AKT3: variants seen among roughly 807,000 people sequenced by gnomAD.
AKT3 encodes the protein AKT serine/threonine kinase 3.
Under a neutral mutation model 65.3 loss-of-function variants are expected in AKT3, and 15 were observed. That is an observed-to-expected ratio of 0.23 (90% CI 0.15 to 0.35). The LOEUF is 0.35. Ranked by LOEUF, AKT3 falls within the 10% of genes least tolerant of loss-of-function variation. AKT3 has a pLI of 1.00. For synonymous variants in AKT3, 206 were observed against 183.8 expected (o/e 1.12, Z -0.98); for missense variants, 243 against 576.5 (o/e 0.42, Z 5.92).
chr1:243,832,238 A>G (rs931890695), intron 2 of AKT3, among the ~76,000 whole-genome samples: 8 of 150,336 alleles, frequency 5.3e-5, no homozygotes, highest in African/African-American at 1.5e-4. Flanking sequence ...ATCTTTCTAG[A>G]TAAGTGATTC....
chr1:243,648,274 A>ATT (rs1681001275), intron 4 of AKT3, among the ~76,000 whole-genome samples: 1 of 151,910 alleles, frequency 6.6e-6, no homozygotes, highest in Non-Finnish European at 1.5e-5. Context: ...AAAAAAAGAA[A>ATT]AGAAAAGAAA....
chr1:243,782,988 G>A (rs1358082216), intron 2 of AKT3, among the ~76,000 whole-genome samples: 1 of 152,078 alleles, frequency 6.6e-6, no homozygotes, highest in Non-Finnish European at 1.5e-5. Context: ...CCAAGCTCCT[G>A]GGTCCCTAGC....
chr1:243,664,888 GAATAA>G lies in AKT3; in HGVS notation c.173-10_173-6del, dbSNP rs1484974607. ...CTGTTTTCATTAACTGGCATTCTAA[GAATAA>G]AATAAAATGTTTCTTTAAATATGGA... On this transcript the variant is annotated splice_region_variant and splice_polypyrimidine_tract_variant and intron_variant, in intron 3 of 13. Transcript: ENST00000673466. 6.8e-7 allele frequency: 1 copy of G among 1,472,504 alleles called. No individual in the cohort carries two copies. Among genetic ancestry groups the G allele is most frequent in the Non-Finnish European group, 9.2e-7 (1 of 1,086,554 alleles). The allele number at this position is 1,472,504 out of a possible 1,614,324, so 91.2% of individuals were successfully genotyped here.
At position 243,796,669 on chromosome 1, in the gene AKT3, A is replaced by C. The variant is rs1418638112; in HGVS notation, c.46+46456T>G. 3.3e-5 allele frequency among the ~76,000 whole-genome samples: 5 copies of C among 152,258 alleles called. No homozygotes were observed. In the South Asian group the frequency reaches 1.0e-3, roughly 32 times the overall value. On this transcript the variant is annotated intron_variant, in intron 2 of 13. Transcript: ENST00000673466. ...TTTATTGCTATCTCAGGGCCTTTGC[A>C]CATGTTCTTTCCTCTGCTTGTAACG...
chr1:243,758,825 C>T (rs1689307868), intron 2 of AKT3, among the ~76,000 whole-genome samples: 1 of 152,152 alleles, frequency 6.6e-6, no homozygotes, highest in African/African-American at 2.4e-5. Context: ...TCACCTCTTG[C>T]TGTGTGTCCC....
At chr1:243,492,604 GTTTTT>G (rs74162289) in intron 13 of AKT3, among the ~76,000 whole-genome samples, 1 of 58,866 alleles carries the variant, frequency 1.7e-5, no homozygotes, top group Non-Finnish European at 3.0e-5. Context: ...GCGCCCAGCT[GTTTTT>G]TTTTTTTTTT....
chr1:243,811,657 A>G (rs1211148436), intron 2 of AKT3, among the ~76,000 whole-genome samples: 1 of 152,230 alleles, frequency 6.6e-6, no homozygotes, highest in African/African-American at 2.4e-5. Flanking sequence ...TCTTTACAGA[A>G]TTGGAAAAAA....
chr1:243,599,275 C>A (rs1435619149), intron 8 of AKT3, among the ~76,000 whole-genome samples: 1 of 151,720 alleles, frequency 6.6e-6, no homozygotes, highest in Non-Finnish European at 1.5e-5. Context: ...AAAATGTATA[C>A]CAACACAAAG....
intron 3 of AKT3, 94 bp downstream of exon 3, chr1:243,695,497 T>C (rs926717553): frequency 1.6e-6 from 2 of 1,221,596 alleles, no homozygotes; most frequent in Non-Finnish European, 1.1e-6. Flanking sequence ...ACCCAAACTT[T>C]TTCACAGGTT....
chr1:243,843,360 G>T (rs749082422), intron 1 of AKT3, 78 bp from the exon 2 acceptor site: 20 of 1,289,820 alleles, frequency 1.6e-5, no homozygotes, highest in Middle Eastern at 2.6e-4. Flanking sequence ...CTAATTCTTT[G>T]TAAATGTCTT....
chr1:243,679,680 GAA>G (rs1218323218), intron 3 of AKT3, among the ~76,000 whole-genome samples: 37 of 152,294 alleles, frequency 2.4e-4, no homozygotes, highest in African/African-American at 8.4e-4. Flanking sequence ...AACCTAACAT[GAA>G]TTAACATGTA....
chr1:243,653,369 CA>C (rs1681521686), intron 4 of AKT3, among the ~76,000 whole-genome samples: 1 of 152,122 alleles, frequency 6.6e-6, no homozygotes, highest in Non-Finnish European at 1.5e-5. Context: ...CTACCAACCA[CA>C]AAAAGTCCAG....
chr1:243,645,761 T>C (rs773536779), intron 5 of AKT3, 132 bp downstream of exon 5: 1 of 856,426 alleles, frequency 1.2e-6, no homozygotes, highest in Non-Finnish European at 1.7e-6. Context: ...TTCAGATTCA[T>C]GTGAATAAGA....
chr1:243,794,676 A>C (rs1691842571), intron 2 of AKT3, among the ~76,000 whole-genome samples: 1 of 152,242 alleles, frequency 6.6e-6, no homozygotes, highest in Non-Finnish European at 1.5e-5. Context: ...AGAACCATAA[A>C]AATACAAGAA....
chr1:243,523,291 A>C (rs900632356), intron 12 of AKT3, among the ~76,000 whole-genome samples: 43 of 151,532 alleles, frequency 2.8e-4, no homozygotes, highest in East Asian at 1.9e-4. Flanking sequence ...ACACACACAC[A>C]CACACACACA....
chr1:243,850,588 CGGTTCTCGCCGTCGCCGCG>C (rs1695740389), upstream of AKT3, among the ~76,000 whole-genome samples: 1 of 151,408 alleles, frequency 6.6e-6, no homozygotes, highest in Admixed American at 6.6e-5. Flanking sequence ...CGCCGCCGAT[CGGTTCTCGCCGTCGCCGCG>C]GGGCTTGTTG....
chr1:243,555,254 C>G lies in AKT3; in HGVS notation c.949-2311G>C, dbSNP rs1673334541. ...CCTAACAACTAAAATCCCTCTTTAC[C>G]TAAGAGACTTCACTATCAATTAGAA... On this transcript the variant is annotated intron_variant, in intron 10 of 13. Transcript: ENST00000673466. Among the ~76,000 whole-genome samples the G allele has an allele frequency of 2.0e-5, 3 of 152,098 alleles. No homozygotes were observed. The South Asian group carries it at 6.2e-4, about 32-fold the overall frequency.
chr1:243,658,626 TCAAA>T (rs1436255488), intron 4 of AKT3, among the ~76,000 whole-genome samples: 1 of 152,158 alleles, frequency 6.6e-6, no homozygotes, highest in Non-Finnish European at 1.5e-5. Context: ...GGATATTTAT[TCAAA>T]CAAAGTGAAA....
intron 3 of AKT3, among the ~76,000 whole-genome samples, chr1:243,690,583 G>A (rs1261357730): frequency 6.6e-6 from 1 of 152,088 alleles, no homozygotes; most frequent in Non-Finnish European, 1.5e-5. Flanking sequence ...ACCCAAAGAA[G>A]GGTGAACGTC....
Sources: allele counts gnomAD v4.1 joint callset (sites outside exome capture counted in the v4.1 genomes callset), GRCh38; gene constraint gnomAD v4.1.1; transcripts MANE v1.5; gene names NCBI Gene and HGNC (gene_info 2026-07-23, HGNC 2026-07-21).